The following RPTOR variants were observed in gnomAD, a reference collection of about 807,000 sequenced individuals.
The protein encoded by RPTOR is regulatory associated protein of MTOR complex 1, also known as regulatory-associated protein of mTOR.
In RPTOR, 21 loss-of-function variants were observed where a neutral mutation model predicts 169.9. The observed-to-expected ratio is 0.12, with a 90% confidence interval of 0.09 to 0.18. The LOEUF (loss-of-function observed/expected upper bound fraction) is 0.18. RPTOR is among the 10% of genes least tolerant of loss of function. The pLI, the probability that RPTOR is intolerant of heterozygous loss-of-function variation, is 1.00. For missense variants in RPTOR, 1,133 were observed against 1,855.9 expected, an observed-to-expected ratio of 0.61 and a Z score of 7.16; for synonymous variants, 732 against 753.2, an observed-to-expected ratio of 0.97 and a Z score of 0.46.
intron 3 of RPTOR, among the ~76,000 whole-genome samples, chr17:80,662,434 T>G (rs569049034): frequency 6.6e-6 from 1 of 152,216 alleles, no homozygotes; most frequent in African/African-American, 2.4e-5. Flanking sequence ...ACTAGGGTTT[T>G]TATGGATAAT....
rs117130960 is a variant in RPTOR, at chr17:80,670,452, T to C, written c.348+26642T>C. On this transcript the variant is annotated intron_variant, in intron 3 of 33. Transcript: ENST00000306801. Reference sequence around the variant, plus strand: ...GCCTTTTAACCATCCGGAGCGTTGCTGTCAGCACTCGATTTTGACATGACG... The same window carrying C: ...GCCTTTTAACCATCCGGAGCGTTGCCGTCAGCACTCGATTTTGACATGACG... Among the ~76,000 whole-genome samples, 800 of 152,372 alleles carry C rather than the reference T, an allele frequency of 5.3e-3. 5 individuals are homozygous for C. Among genetic ancestry groups the C allele is most frequent in the Non-Finnish European group, 8.3e-3 (568 of 68,042 alleles).
At chr17:80,547,424 C>T (rs1049774537) in intron 1 of RPTOR, among the ~76,000 whole-genome samples, 3 of 152,136 alleles carry the variant, frequency 2.0e-5, no homozygotes, top group African/African-American at 4.8e-5. Flanking sequence ...AATGGGTATA[C>T]GTTTGACCTT....
intron 21 of RPTOR, among the ~76,000 whole-genome samples, chr17:80,918,090 A>G (rs1330761303): frequency 6.6e-6 from 1 of 152,236 alleles, no homozygotes; most frequent in Non-Finnish European, 1.5e-5. Context: ...GCCTGGACAC[A>G]TGTCACACCT....
chr17:80,632,697 T>A (rs2065451413), intron 2 of RPTOR, among the ~76,000 whole-genome samples: 1 of 152,208 alleles, frequency 6.6e-6, no homozygotes, highest in Admixed American at 6.5e-5. Context: ...GTCCTGGTGA[T>A]GGTGGTTTTA....
At chr17:80,623,545 A>AT (rs1178854804) in intron 1 of RPTOR, among the ~76,000 whole-genome samples, 5 of 151,666 alleles carry the variant, frequency 3.3e-5, no homozygotes, top group Non-Finnish European at 4.4e-5. Context: ...TTTTCTTTTT[A>AT]TTTTTTTTGA....
chr17:80,876,945 C>CCCAGGG, intron 13 of RPTOR, among the ~76,000 whole-genome samples: 1 of 142,862 alleles, frequency 7.0e-6, no homozygotes, highest in African/African-American at 2.7e-5. Context: ...GCCCGTGCCA[C>CCCAGGG]TCAGGGTGTG....
At chr17:80,560,563 A>G (rs2084469462) in intron 1 of RPTOR, among the ~76,000 whole-genome samples, 1 of 152,098 alleles carries the variant, frequency 6.6e-6, no homozygotes, top group Non-Finnish European at 1.5e-5. Context: ...CAGTAGCTGA[A>G]ACAGAATGGA....
intron 1 of RPTOR, among the ~76,000 whole-genome samples, chr17:80,616,364 C>G (rs991280025): frequency 5.1e-5 from 7 of 138,468 alleles, no homozygotes; most frequent in African/African-American, 2.0e-4. Context: ...TGCAGTGGCA[C>G]GATCTCAGCC....
intron 2 of RPTOR, among the ~76,000 whole-genome samples, chr17:80,632,329 G>C (rs12948080): frequency 0.18 from 28,103 of 152,206 alleles, 2,995 homozygotes; most frequent in East Asian, 0.28. Context: ...TGTGTGCTCC[G>C]GGGACGGGAC....
chr17:80,767,152 C>T (rs1300496787), intron 6 of RPTOR, among the ~76,000 whole-genome samples: 1 of 152,146 alleles, frequency 6.6e-6, no homozygotes, highest in African/African-American at 2.4e-5. Flanking sequence ...GCAGGTGGAT[C>T]GCTTGAGCCC....
intron 6 of RPTOR, among the ~76,000 whole-genome samples, chr17:80,763,537 A>C (rs2066755956): frequency 1.3e-5 from 2 of 152,236 alleles, no homozygotes; most frequent in African/African-American, 4.8e-5. Context: ...GATGAATGAG[A>C]AGTGTGCTTA....
intron 6 of RPTOR, among the ~76,000 whole-genome samples, chr17:80,755,222 G>T (rs2066668560): frequency 1.3e-5 from 2 of 152,152 alleles, no homozygotes; most frequent in African/African-American, 2.4e-5. Context: ...CTGTCCCTAG[G>T]CCTCCCCACC....
chr17:80,635,926 A>G (rs1443877070), intron 2 of RPTOR, among the ~76,000 whole-genome samples: 3 of 152,094 alleles, frequency 2.0e-5, no homozygotes, highest in Non-Finnish European at 2.9e-5. Context: ...GATGAGAATG[A>G]CGGGGGCCAT....
At chr17:80,792,734 G>T (rs1340610476) in intron 7 of RPTOR, among the ~76,000 whole-genome samples, 1 of 152,120 alleles carries the variant, frequency 6.6e-6, no homozygotes, top group Non-Finnish European at 1.5e-5. Flanking sequence ...CCTTCTGGTT[G>T]GTTTGGTTCC....
intron 27 of RPTOR, among the ~76,000 whole-genome samples, chr17:80,948,976 A>G (rs899642435): frequency 6.6e-5 from 10 of 152,076 alleles, no homozygotes; most frequent in Non-Finnish European, 1.3e-4. Context: ...ACAGAGAGGA[A>G]TGGGGCGGAG....
chr17:80,623,441 T>G (rs1266838715), intron 1 of RPTOR, among the ~76,000 whole-genome samples: 1 of 152,218 alleles, frequency 6.6e-6, no homozygotes, highest in Non-Finnish European at 1.5e-5. Context: ...AATTAAAAAT[T>G]AAAAATACTT....
At chr17:80,766,435 G>A (rs1297617703) in intron 6 of RPTOR, among the ~76,000 whole-genome samples, 1 of 152,138 alleles carries the variant, frequency 6.6e-6, no homozygotes, top group East Asian at 1.9e-4. Context: ...CTGCATCCTT[G>A]AACTCCTGGG....
In RPTOR at chr17:80,877,389, G is replaced by A. The variant is rs1244044741; in HGVS notation, c.1510-3026G>A. Among the ~76,000 whole-genome samples, 5 of 152,234 alleles carry A rather than the reference G, an allele frequency of 3.3e-5. No homozygotes were observed. In the South Asian group the frequency reaches 6.2e-4, roughly 19 times the overall value. On this transcript the variant is annotated intron_variant, in intron 13 of 33. Coordinates refer to ENST00000306801, the MANE Select transcript of RPTOR (RefSeq NM_020761.3). ...AAGGTATGAAAAGGCATCATCATCC[G>A]TGGTTCCCACCTGGCATAATGACCG...
At chr17:80,718,562 A>G (rs1215575222) in intron 4 of RPTOR, among the ~76,000 whole-genome samples, 1 of 152,182 alleles carries the variant, frequency 6.6e-6, no homozygotes, top group East Asian at 1.9e-4. Flanking sequence ...TGGGCAGGCA[A>G]GGTTGGAGGG....
Sources: gnomAD v4.1 joint callset for allele counts (sites outside exome capture counted in the v4.1 genomes callset) on GRCh38, gnomAD v4.1.1 for gene constraint, MANE v1.5 for transcripts, NCBI Gene and HGNC (gene_info 2026-07-23, HGNC 2026-07-21) for gene names.